Variants in ZNF420 observed in about 807,000 individuals in gnomAD.
ZNF420 encodes the protein zinc finger protein 420.
A neutral mutation model predicts 44.7 loss-of-function variants in ZNF420; 31 were observed. That is an observed-to-expected ratio of 0.69 (90% confidence interval 0.52 to 0.94). The LOEUF is 0.94. Ranked by LOEUF, ZNF420 falls within the 40% of genes least tolerant of loss-of-function variation. ZNF420 has a pLI of 0.00. For synonymous variants in ZNF420, 245 were observed against 267.4 expected (o/e 0.92, Z 0.82); for missense variants, 681 against 827.9 (o/e 0.82, Z 2.18).
At chr19:37,064,772 T>C (rs78106993) in intron 1 of ZNF420, among the ~76,000 whole-genome samples, 3,667 of 152,236 alleles carry the variant, frequency 0.024, 159 homozygotes, top group African/African-American at 0.083. Context: ...CAGCCCCTAA[T>C]GGATTTAGGA....
chr19:37,010,503 CTG>C (rs927936557), intron 1 of ZNF420, among the ~76,000 whole-genome samples: 3 of 151,920 alleles, frequency 2.0e-5, no homozygotes, highest in Non-Finnish European at 4.4e-5. Context: ...TGCTCTATGT[CTG>C]TGTGTGTGTG....
chr19:37,084,343 C>G (rs1968636796), intron 2 of ZNF420, among the ~76,000 whole-genome samples: 1 of 151,950 alleles, frequency 6.6e-6, no homozygotes, highest in African/African-American at 2.4e-5. Flanking sequence ...GCTTTTATTT[C>G]TTAGAGATTT....
intron 1 of ZNF420, among the ~76,000 whole-genome samples, chr19:37,068,211 A>G (rs1170431090): frequency 6.6e-6 from 1 of 152,220 alleles, no homozygotes; most frequent in East Asian, 1.9e-4. Flanking sequence ...CTAAAATAAT[A>G]TAAATAGAAT....
intron 1 of ZNF420, among the ~76,000 whole-genome samples, chr19:37,009,811 A>T (rs2074554615): frequency 6.6e-6 from 1 of 152,120 alleles, no homozygotes; most frequent in Non-Finnish European, 1.5e-5. Context: ...ATCGGATCTG[A>T]AGAGGAGTAC....
rs1037777048 is a variant in ZNF420 at position 37,104,756 on chromosome 19, CATGTGTCTGTTGGCTGCAT to C, written c.136+13651_136+13669del. ...GGCCAGTTGATGATGAGCATTTTTC[CATGTGTCTGTTGGCTGCAT>C]ATGTGTCTGTTGGCTACATAAATGT... On this transcript the variant is annotated intron_variant, in intron 4 of 4. Transcript: ENST00000337995. 4.4e-4 allele frequency among the ~76,000 whole-genome samples: 67 copies of C among 152,252 alleles called. No homozygotes were observed. The East Asian group carries it at 7.3e-3, about 17-fold the overall frequency.
At chr19:37,089,846 G>A (rs1969034990) in intron 3 of ZNF420, among the ~76,000 whole-genome samples, 1 of 152,132 alleles carries the variant, frequency 6.6e-6, no homozygotes, top group South Asian at 2.1e-4. Flanking sequence ...GTTCAAATAT[G>A]AGCACTTATT....
intron 2 of ZNF420, among the ~76,000 whole-genome samples, chr19:37,083,582 C>G: frequency 6.6e-6 from 1 of 152,288 alleles, no homozygotes; most frequent in East Asian, 1.9e-4. Context: ...TATTAATGCT[C>G]ACATTGTTCC....
In ZNF420 at chr19:37,098,515, TGCG is replaced by T. The variant is rs1382653398; in HGVS notation, c.136+7395_136+7397del. 2.2e-3 allele frequency among the ~76,000 whole-genome samples: 333 copies of T among 152,366 alleles called. 1 individual carries two copies. Among genetic ancestry groups the T allele is most frequent in the African/African-American group, 7.7e-3 (320 of 41,594 alleles). On this transcript the variant is annotated intron_variant, in intron 4 of 4. Coordinates refer to ENST00000337995, the MANE Select transcript of ZNF420 (RefSeq NM_144689.5). ...GTTTCATCCAGTTCTAATTTACTGT[TGCG>T]TTAATAGGTTTTTTCATAAACACTT...
At position 37,129,720 on chromosome 19, in the gene ZNF420, A is replaced by AC. The variant is rs201961919; in HGVS notation, c.*665dup. The AC allele has an allele frequency of 6.0e-3, 919 of 152,608 alleles. 25 individuals are homozygous for AC. Among genetic ancestry groups the AC allele is most frequent in the East Asian group, 0.045 (253 of 5,620 alleles). The allele number at this position is 152,608 out of a possible 1,614,324, so 9.5% of individuals were successfully genotyped here. On this transcript the variant is annotated 3_prime_UTR_variant, in exon 5 of 5. Coordinates refer to ENST00000337995, the MANE Select transcript of ZNF420 (RefSeq NM_144689.5). ...AATTCATACTGTTAAAAAAAAAAAA[A>AC]CCCAGTGGATATAATCAGTGTATTA...
At chr19:37,072,428 G>T (rs985616347) in intron 1 of ZNF420, among the ~76,000 whole-genome samples, 2 of 152,160 alleles carry the variant, frequency 1.3e-5, no homozygotes, top group Admixed American at 6.5e-5. Flanking sequence ...AGAATCCACA[G>T]GATTCACAAA....
chr19:37,114,667 T>C (rs1970562671), intron 4 of ZNF420, among the ~76,000 whole-genome samples: 1 of 152,238 alleles, frequency 6.6e-6, no homozygotes, highest in Admixed American at 6.5e-5. Flanking sequence ...CTCTGCTACA[T>C]ATTTACAATG....
chr19:37,023,132 C>T (rs1438915281), intron 1 of ZNF420, among the ~76,000 whole-genome samples: 10 of 143,858 alleles, frequency 7.0e-5, no homozygotes, highest in South Asian at 2.2e-4. Context: ...AGCGAGACTC[C>T]GTCTCAAAGA....
intron 4 of ZNF420, among the ~76,000 whole-genome samples, chr19:37,117,479 A>T (rs1331585094): frequency 6.6e-6 from 1 of 152,172 alleles, no homozygotes; most frequent in Non-Finnish European, 1.5e-5. Context: ...GTACGTCACC[A>T]TCATCAAAGA....
At chr19:37,038,052 C>A (rs1169779148) in intron 1 of ZNF420, among the ~76,000 whole-genome samples, 3 of 152,014 alleles carry the variant, frequency 2.0e-5, no homozygotes, top group Non-Finnish European at 2.9e-5. Context: ...ATTGTTTGAA[C>A]CCCGGAGGCA....
intron 1 of ZNF420, among the ~76,000 whole-genome samples, chr19:37,033,124 G>T (rs1967293152): frequency 6.6e-6 from 1 of 152,152 alleles, no homozygotes; most frequent in South Asian, 2.1e-4. Flanking sequence ...TTTTAAAATA[G>T]ATTTGGTTAC....
intron 4 of ZNF420, among the ~76,000 whole-genome samples, chr19:37,120,028 A>G (rs1240407182): frequency 6.6e-6 from 1 of 152,230 alleles, no homozygotes; most frequent in African/African-American, 2.4e-5. Flanking sequence ...TTCACAGCCA[A>G]ATTCTACCAG....
chr19:37,120,966 A>G (rs1179005864), intron 4 of ZNF420, among the ~76,000 whole-genome samples: 2 of 152,122 alleles, frequency 1.3e-5, no homozygotes, highest in African/African-American at 4.8e-5. Context: ...TGCTCAATGA[A>G]ATAAAAGAGG....
intron 4 of ZNF420, among the ~76,000 whole-genome samples, chr19:37,103,300 G>A (rs1207307586): frequency 6.6e-6 from 1 of 151,228 alleles, no homozygotes; most frequent in Non-Finnish European, 1.5e-5. Flanking sequence ...ATAATTTTTA[G>A]TTTTATGCTA....
At chr19:37,088,048 G>A (rs77401488) in intron 2 of ZNF420, among the ~76,000 whole-genome samples, 2,047 of 152,286 alleles carry the variant, frequency 0.013, 52 homozygotes, top group African/African-American at 0.047. Context: ...GGGCCACATG[G>A]TCTCTGCTGC....
Sources: gnomAD v4.1 joint callset for allele counts (sites outside exome capture counted in the v4.1 genomes callset) on GRCh38, gnomAD v4.1.1 for gene constraint, MANE v1.5 for transcripts, NCBI Gene and HGNC (gene_info 2026-07-23, HGNC 2026-07-21) for gene names.